Variants in TAFA4 observed in about 807,000 individuals in gnomAD.
TAFA4 encodes the protein chemokine-like protein TAFA-4.
Under a neutral mutation model 21.1 loss-of-function variants are expected in TAFA4, and 20 were observed. That is an observed-to-expected ratio of 0.95 (90% CI 0.67 to 1.38). The LOEUF is 1.38. Ranked by LOEUF, TAFA4 falls within the 40% of genes most tolerant of loss-of-function variation. TAFA4 has a pLI of 0.00. For missense variants in TAFA4, 211 were observed against 180.9 expected, an observed-to-expected ratio of 1.17 and a Z score of -0.95; for synonymous variants, 71 against 67.4, an observed-to-expected ratio of 1.05 and a Z score of -0.26.
intron 3 of TAFA4, among the ~76,000 whole-genome samples, chr3:68,850,359 C>T (rs1704913971): frequency 6.6e-6 from 1 of 152,140 alleles, no homozygotes; most frequent in African/African-American, 2.4e-5. Flanking sequence ...TAGCCCCTAT[C>T]CCCATGGAGT....
intron 1 of TAFA4, 52 bp from the exon 2 acceptor site, chr3:68,885,362 T>TA (rs1233483276): frequency 1.7e-6 from 1 of 589,072 alleles, no homozygotes. Context: ...ATTTTAATGT[T>TA]AAAATGAAAC....
At chr3:68,911,771 C>A (rs1168040691) in intron 1 of TAFA4, among the ~76,000 whole-genome samples, 3 of 152,142 alleles carry the variant, frequency 2.0e-5, no homozygotes, top group African/African-American at 7.2e-5. Context: ...TAAAATGCCA[C>A]AAACCTTCCT....
intron 3 of TAFA4, among the ~76,000 whole-genome samples, chr3:68,816,263 T>C (rs1040957180): frequency 1.3e-5 from 2 of 152,120 alleles, no homozygotes; most frequent in African/African-American, 4.8e-5. Flanking sequence ...CATGTATACA[T>C]ATGTAACAAA....
chr3:68,873,223 G>T (rs1283956664), intron 3 of TAFA4, among the ~76,000 whole-genome samples: 1 of 151,846 alleles, frequency 6.6e-6, no homozygotes, highest in Non-Finnish European at 1.5e-5. Context: ...GGTAGGAGAG[G>T]CTAACAACCT....
chr3:68,904,713 G>T (rs2089881487), intron 1 of TAFA4, among the ~76,000 whole-genome samples: 1 of 152,152 alleles, frequency 6.6e-6, no homozygotes. Context: ...GCATAGAGAT[G>T]CTCCCAGAAT....
intron 3 of TAFA4, among the ~76,000 whole-genome samples, chr3:68,838,478 G>A (rs533021661): frequency 6.6e-6 from 1 of 152,228 alleles, no homozygotes; most frequent in Non-Finnish European, 1.5e-5. Flanking sequence ...AAATTGAGTG[G>A]CCCAAGCAGC....
At chr3:68,814,049 G>C (rs1703903829) in intron 3 of TAFA4, among the ~76,000 whole-genome samples, 2 of 152,150 alleles carry the variant, frequency 1.3e-5, no homozygotes, top group Non-Finnish European at 2.9e-5. Context: ...CATATAAATA[G>C]AACCAAAGAC....
chr3:68,769,329 G>C (rs1343994777), intron 3 of TAFA4, among the ~76,000 whole-genome samples: 5 of 152,162 alleles, frequency 3.3e-5, no homozygotes, highest in African/African-American at 4.8e-5. Context: ...CTTATGGTGA[G>C]TTATATAATT....
intron 3 of TAFA4, among the ~76,000 whole-genome samples, chr3:68,846,732 T>C (rs1410850326): frequency 6.6e-6 from 1 of 152,220 alleles, no homozygotes; most frequent in Non-Finnish European, 1.5e-5. Flanking sequence ...TTGATGTTGA[T>C]GCTATTGCTT....
At chr3:68,736,342 A>C (rs573222639) in intron 5 of TAFA4, among the ~76,000 whole-genome samples, 1 of 152,276 alleles carries the variant, frequency 6.6e-6, no homozygotes, top group South Asian at 2.1e-4. Context: ...CTCTAGAGAC[A>C]CTGAAAACTG....
Position 68,733,155 on chromosome 3 carries a change from TAAAAC to T in TAFA4, c.412-7_412-3del. Reference sequence around the variant, plus strand: ...CCTCTCTCTTCGCTACCGCGTTACCTAAAACAAATCAAAATAAGGGAACATTCAAC... The same window carrying T: ...CCTCTCTCTTCGCTACCGCGTTACCTAAATCAAAATAAGGGAACATTCAAC... On this transcript the variant is annotated splice_polypyrimidine_tract_variant and splice_region_variant and intron_variant, in intron 5 of 5. Coordinates refer to ENST00000295569, the MANE Select transcript of TAFA4 (RefSeq NM_182522.5). 2 of 1,612,970 alleles carry T rather than the reference TAAAAC, an allele frequency of 1.2e-6. No homozygotes were observed. Among genetic ancestry groups the T allele is most frequent in the Non-Finnish European group, 1.7e-6 (2 of 1,179,348 alleles).
intron 3 of TAFA4, among the ~76,000 whole-genome samples, chr3:68,836,619 T>A (rs1704528830): frequency 6.6e-6 from 1 of 152,246 alleles, no homozygotes; most frequent in African/African-American, 2.4e-5. Flanking sequence ...CCAGGAACTC[T>A]TATAGGTAGT....
rs576588065 is a variant in TAFA4, at chr3:68,733,217, C to T, written c.412-64G>A. ...TACCCACCGAAATAACCATTCCTGC[C>T]CCCGAGACCAATAAGGTCCTGACTG... On this transcript the variant is annotated intron_variant, in intron 5 of 5. Coordinates refer to ENST00000295569, the MANE Select transcript of TAFA4 (RefSeq NM_182522.5). The T allele has an allele frequency of 3.4e-4, 542 of 1,582,688 alleles. 2 individuals carry two copies. The highest frequency in any genetic ancestry group is 4.0e-4 in the South Asian group (35 of 87,198).
chr3:68,862,468 T>C (rs775744062), intron 3 of TAFA4, among the ~76,000 whole-genome samples: 1 of 152,162 alleles, frequency 6.6e-6, no homozygotes, highest in African/African-American at 2.4e-5. Context: ...CTCACAAGGA[T>C]GTCTCTTTTT....
At chr3:68,921,080 T>G (rs1401280619) in intron 1 of TAFA4, among the ~76,000 whole-genome samples, 1 of 152,042 alleles carries the variant, frequency 6.6e-6, no homozygotes, top group Non-Finnish European at 1.5e-5. Context: ...ATGACCAATG[T>G]GAAAACCTGC....
chr3:68,759,616 C>T (rs114401999), intron 3 of TAFA4, among the ~76,000 whole-genome samples: 14 of 152,058 alleles, frequency 9.2e-5, no homozygotes, highest in Non-Finnish European at 1.8e-4. Flanking sequence ...AATGGTGTGG[C>T]GATCCATCTT....
chr3:68,899,761 C>T (rs745523731), intron 1 of TAFA4, among the ~76,000 whole-genome samples: 1 of 152,078 alleles, frequency 6.6e-6, no homozygotes, highest in African/African-American at 2.4e-5. Flanking sequence ...AGCAGAAAAA[C>T]ACAAGAGACT....
intron 3 of TAFA4, among the ~76,000 whole-genome samples, chr3:68,859,589 C>G (rs2089304178): frequency 6.6e-6 from 1 of 152,138 alleles, no homozygotes; most frequent in East Asian, 1.9e-4. Context: ...CATTTCTCTT[C>G]TGGCCTTTTG....
intron 3 of TAFA4, among the ~76,000 whole-genome samples, chr3:68,846,566 A>G (rs1181752240): frequency 2.0e-5 from 3 of 152,070 alleles, no homozygotes; most frequent in Admixed American, 6.5e-5. Flanking sequence ...GTTGCTGGCA[A>G]GGAGTTGTGA....
Sources: allele counts gnomAD v4.1 joint callset (sites outside exome capture counted in the v4.1 genomes callset), GRCh38; gene constraint gnomAD v4.1.1; transcripts MANE v1.5; gene names NCBI Gene and HGNC (gene_info 2026-07-23, HGNC 2026-07-21).